VAV2: variants seen among roughly 807,000 people sequenced by gnomAD.
VAV2 encodes the protein vav guanine nucleotide exchange factor 2.
Under a neutral mutation model 132.5 loss-of-function variants are expected in VAV2, and 67 were observed. That is an observed-to-expected ratio of 0.51 (90% confidence interval 0.42 to 0.62). The LOEUF (loss-of-function observed/expected upper bound fraction) is 0.62, where lower values mean the gene tolerates loss of function less well. Ranked by LOEUF, VAV2 falls within the 20% of genes least tolerant of loss-of-function variation. VAV2 has a pLI of 0.00. For missense variants in VAV2, 938 were observed against 1,153.6 expected (o/e 0.81, Z 2.71); for synonymous variants, 492 against 443.5 (o/e 1.11, Z -1.37).
At chr9:133,872,795 C>G (rs528905093) in intron 2 of VAV2, among the ~76,000 whole-genome samples, 11 of 151,510 alleles carry the variant, frequency 7.3e-5, no homozygotes, top group Non-Finnish European at 1.2e-4. Flanking sequence ...CAGAGTCTAC[C>G]GCTCAAGAAG....
At chr9:133,932,220 C>A (rs886737693) in intron 2 of VAV2, among the ~76,000 whole-genome samples, 1 of 152,234 alleles carries the variant, frequency 6.6e-6, no homozygotes, top group East Asian at 1.9e-4. Flanking sequence ...TCCTTCCCAG[C>A]TGGGCAACTG....
At chr9:133,893,433 A>T (rs1219744600) in intron 2 of VAV2, among the ~76,000 whole-genome samples, 1 of 152,312 alleles carries the variant, frequency 6.6e-6, no homozygotes, top group Middle Eastern at 3.4e-3. Flanking sequence ...GTGGAGGAGG[A>T]GGCCCTAGCG....
At chr9:133,887,965 T>C (rs938754392) in intron 2 of VAV2, among the ~76,000 whole-genome samples, 3 of 152,178 alleles carry the variant, frequency 2.0e-5, no homozygotes, top group Non-Finnish European at 4.4e-5. Context: ...CACTCCTCTA[T>C]GCTCCCCACC....
At chr9:133,810,286 A>C (rs764286127) in intron 5 of VAV2, 81 bp from the exon 6 acceptor site, 2 of 1,596,854 alleles carry the variant, frequency 1.3e-6, no homozygotes, top group South Asian at 2.2e-5. Context: ...CTGGGACATC[A>C]GGAACGCCAC....
intron 4 of VAV2, among the ~76,000 whole-genome samples, chr9:133,818,628 T>C (rs1212049162): frequency 6.6e-6 from 1 of 152,192 alleles, no homozygotes; most frequent in Admixed American, 6.5e-5. Context: ...GCAGGCAGCA[T>C]ATGGCGGGAC....
At chr9:133,938,996 G>C in intron 2 of VAV2, 107 bp downstream of exon 2, 1 of 1,010,114 alleles carries the variant, frequency 9.9e-7, no homozygotes, top group East Asian at 2.4e-5. Flanking sequence ...CACTGGCTCT[G>C]TGTTGGAGCC....
Position 133,977,594 on chromosome 9 carries a change from C to T in VAV2, c.204+14481G>A, listed in dbSNP as rs546802505. ...TCACTTACCCAGGCAAATGACATGA[C>T]AGGCGGTCCATCCCCATCCACGACA... On this transcript the variant is annotated intron_variant, in intron 1 of 29. Transcript: ENST00000371850. 9.8e-5 allele frequency among the ~76,000 whole-genome samples: 15 copies of T among 152,298 alleles called. No homozygotes were observed. The South Asian group carries it at 2.7e-3, about 27-fold the overall frequency.
intron 20 of VAV2, 116 bp from the exon 21 acceptor site, chr9:133,780,055 G>A (rs1407132375): frequency 1.4e-6 from 2 of 1,407,154 alleles, no homozygotes; most frequent in Non-Finnish European, 2.0e-6. Flanking sequence ...GAGGGGTCAA[G>A]GCAGGAGCAG....
intron 1 of VAV2, among the ~76,000 whole-genome samples, chr9:133,947,975 G>C (rs896598255): frequency 3.3e-5 from 5 of 152,054 alleles, no homozygotes; most frequent in South Asian, 4.1e-4. Flanking sequence ...ATTTTTAGTA[G>C]AGACAGGCTT....
chr9:133,941,590 T>C (rs1216415900), intron 1 of VAV2, among the ~76,000 whole-genome samples: 1 of 127,688 alleles, frequency 7.8e-6, no homozygotes, highest in Non-Finnish European at 1.6e-5. Flanking sequence ...ACAAATCCTG[T>C]GTGAGTCCAC....
At position 133,769,576 on chromosome 9, in the gene VAV2, A is replaced by C; in HGVS notation, c.2348-73T>G. ...GCACAGTCACGGTGGGCACAGCTAC[A>C]GGCCGGGGGGCATGGGGTGGGGCAG... On this transcript the variant is annotated intron_variant, in intron 27 of 29. Transcript: ENST00000371850. The surrounding 1 kb of genome is among the most constrained non-coding windows in gnomAD (Gnocchi z 8.1). The C allele has an allele frequency of 6.8e-7, 1 of 1,469,412 alleles. No homozygotes were observed. The highest frequency in any genetic ancestry group is 9.3e-7 in the Non-Finnish European group (1 of 1,078,074). 91.0% of individuals were successfully genotyped at this position (1,469,412 alleles called of 1,614,324 possible).
intron 3 of VAV2, among the ~76,000 whole-genome samples, chr9:133,855,578 G>A (rs1445342052): frequency 1.3e-5 from 2 of 152,188 alleles, no homozygotes; most frequent in Non-Finnish European, 2.9e-5. Context: ...GCCTCTCCCT[G>A]CACGAGCCGC....
chr9:133,977,867 C>T (rs1185665722), intron 1 of VAV2, among the ~76,000 whole-genome samples: 1 of 152,228 alleles, frequency 6.6e-6, no homozygotes, highest in Non-Finnish European at 1.5e-5. Context: ...CCAGGTGGCT[C>T]AGTACCTCAG....
At chr9:133,871,537 T>A (rs1838056391) in intron 2 of VAV2, among the ~76,000 whole-genome samples, 1 of 151,548 alleles carries the variant, frequency 6.6e-6, no homozygotes, top group Non-Finnish European at 1.5e-5. Flanking sequence ...GGATGCCGAC[T>A]CAGAGAGATC....
intron 1 of VAV2, among the ~76,000 whole-genome samples, chr9:133,939,509 C>T (rs897215632): frequency 6.6e-6 from 1 of 152,172 alleles, no homozygotes; most frequent in Non-Finnish European, 1.5e-5. Flanking sequence ...AGCTGCAAAA[C>T]CCCCAAGGCC....
rs1837421882 is a variant in VAV2, at chr9:133,857,317, C to T, written c.380+4057G>A. Among the ~76,000 whole-genome samples the T allele has an allele frequency of 6.6e-6, 1 of 152,210 alleles. No individual in the cohort carries two copies. Among genetic ancestry groups the T allele is most frequent in the African/African-American group, 2.4e-5 (1 of 41,460 alleles). ...TCTACAACCACAATCCTCCCCCTTG[C>T]CCCGCTTCCCCAACACGTTTGATCC... is the stretch of plus-strand genomic sequence containing the variant. On this transcript the variant is annotated intron_variant, in intron 3 of 29. Transcript: ENST00000371850. The surrounding 1 kb of genome is among the most constrained non-coding windows in gnomAD (Gnocchi z 4.0).
chr9:133,799,250 A>G (rs1039849458), intron 9 of VAV2, among the ~76,000 whole-genome samples: 1 of 152,128 alleles, frequency 6.6e-6, no homozygotes, highest in Non-Finnish European at 1.5e-5. Flanking sequence ...GGGCATCTTG[A>G]CACACTTCCT....
At chr9:133,845,611 A>G (rs1203988164) in intron 3 of VAV2, among the ~76,000 whole-genome samples, 1 of 152,204 alleles carries the variant, frequency 6.6e-6, no homozygotes, top group Non-Finnish European at 1.5e-5. Context: ...AGGCCTTGGC[A>G]GTCTCCCTAG....
At chr9:133,770,285 T>C in intron 27 of VAV2, 93 bp downstream of exon 27, 1 of 1,572,744 alleles carries the variant, frequency 6.4e-7, no homozygotes, top group Admixed American at 1.7e-5. Flanking sequence ...ACTCCTGGTC[T>C]GGGTCTGTGA....
Sources: allele counts gnomAD v4.1 joint callset (sites outside exome capture counted in the v4.1 genomes callset), GRCh38; gene constraint gnomAD v4.1.1; non-coding constraint Gnocchi (gnomAD v3.1); transcripts MANE v1.5; gene names NCBI Gene and HGNC (gene_info 2026-07-23, HGNC 2026-07-21).